The following ARID5B variants were observed in gnomAD, a reference collection of about 807,000 sequenced individuals.
The protein encoded by ARID5B is AT-rich interactive domain-containing protein 5B.
ARID5B carries 13 observed loss-of-function variants against 97.2 expected under a neutral mutation model. The ratio of observed to expected loss-of-function variants is 0.13; its 90% confidence interval spans 0.09 to 0.21. ARID5B has a LOEUF of 0.21. Among genes scored for constraint, ARID5B ranks in the 10% least tolerant of loss-of-function variants. The pLI is 1.00. For missense variants in ARID5B, 1,210 were observed against 1,465.3 expected (o/e 0.83, Z 2.84); for synonymous variants, 556 against 570.3 (o/e 0.97, Z 0.36).
chr10:62,057,114 C>T lies in ARID5B; in HGVS notation c.847-3C>T. The T allele has an allele frequency of 6.2e-7, 1 of 1,613,282 alleles. No homozygotes were observed. The highest frequency in any genetic ancestry group is 8.5e-7 in the Non-Finnish European group (1 of 1,179,568). On this transcript the variant is annotated splice_polypyrimidine_tract_variant and splice_region_variant and intron_variant, in intron 5 of 9. Transcript: ENST00000279873. ...CTGATGTGGTATATTTTCCCTTTTCCAGGTGAAATGTGAGGCCAGGTCAGC... is the reference window on the plus strand; with the variant it reads ...CTGATGTGGTATATTTTCCCTTTTCTAGGTGAAATGTGAGGCCAGGTCAGC...
At chr10:61,955,574 C>G (rs1282788397) in intron 3 of ARID5B, among the ~76,000 whole-genome samples, 1 of 152,210 alleles carries the variant, frequency 6.6e-6, no homozygotes, top group Non-Finnish European at 1.5e-5. Context: ...TACAGATAAT[C>G]TAGTTACAAG....
At chr10:62,078,809 A>T (rs1226426821) in intron 8 of ARID5B, among the ~76,000 whole-genome samples, 2 of 152,186 alleles carry the variant, frequency 1.3e-5, no homozygotes, top group Non-Finnish European at 2.9e-5. Flanking sequence ...TTTATTAGGG[A>T]GACCATGGGA....
intron 8 of ARID5B, among the ~76,000 whole-genome samples, chr10:62,079,011 C>T (rs533476034): frequency 6.6e-6 from 1 of 152,220 alleles, no homozygotes; most frequent in Admixed American, 6.5e-5. Context: ...AGGGCTTCTT[C>T]TGATGTAGGA....
At position 62,076,880 on chromosome 10, in the gene ARID5B, C is replaced by A. The variant is rs185951826; in HGVS notation, c.1199+7083C>A. Among the ~76,000 whole-genome samples the A allele has an allele frequency of 6.6e-5, 10 of 152,306 alleles. No homozygotes were observed. In the East Asian group the frequency reaches 1.5e-3, roughly 24 times the overall value. On this transcript the variant is annotated intron_variant, in intron 8 of 9. Transcript: ENST00000279873. ...AATGGACTTGCATTTCCTTTCCCAACACTGTCTTTCTCATGGCAGTCCTGA... is the reference window on the plus strand; with the variant it reads ...AATGGACTTGCATTTCCTTTCCCAAAACTGTCTTTCTCATGGCAGTCCTGA...
chr10:62,086,915 T>C (rs1410419674), intron 9 of ARID5B, among the ~76,000 whole-genome samples: 3 of 151,690 alleles, frequency 2.0e-5, no homozygotes, highest in Non-Finnish European at 4.4e-5. Flanking sequence ...TGGTGCTGTA[T>C]CCTGCAAGAC....
At chr10:62,082,611 A>G (rs978840738) in intron 8 of ARID5B, among the ~76,000 whole-genome samples, 3 of 152,336 alleles carry the variant, frequency 2.0e-5, no homozygotes, top group South Asian at 2.1e-4. Flanking sequence ...TTCTTTATAT[A>G]ATACAAACCT....
At chr10:62,021,485 G>C (rs775300022) in intron 4 of ARID5B, among the ~76,000 whole-genome samples, 4 of 152,134 alleles carry the variant, frequency 2.6e-5, no homozygotes, top group Non-Finnish European at 5.9e-5. Context: ...GAGGAAGTTG[G>C]CATAATTGAA....
chr10:61,901,777 C>T (rs773028388), intron 1 of ARID5B, 47 bp downstream of exon 1: 1 of 1,571,432 alleles, frequency 6.4e-7, no homozygotes, highest in Admixed American at 1.7e-5. Flanking sequence ...CCCCCGGCAC[C>T]CCCCAACCCC....
At chr10:62,008,061 A>AACACACAC (rs369982502) in intron 4 of ARID5B, among the ~76,000 whole-genome samples, 1,579 of 66,536 alleles carry the variant, frequency 0.024, 13 homozygotes, top group African/African-American at 0.027. Context: ...CCCGCCCCAC[A>AACACACAC]ACACACACAC....
intron 3 of ARID5B, among the ~76,000 whole-genome samples, chr10:61,988,936 CTT>C (rs61016394): frequency 1.6e-5 from 2 of 122,256 alleles, no homozygotes; most frequent in Non-Finnish European, 1.6e-5. Context: ...TTTTCTTTTA[CTT>C]TTTTTTTTTT....
intron 8 of ARID5B, among the ~76,000 whole-genome samples, chr10:62,080,398 A>T (rs1297298725): frequency 6.6e-6 from 1 of 152,162 alleles, no homozygotes; most frequent in Non-Finnish European, 1.5e-5. Context: ...GCTCATTTAC[A>T]TAGCACATTT....
Position 62,093,588 on chromosome 10 carries a change from T to C in ARID5B, c.*558T>C, listed in dbSNP as rs1368182620. Reference sequence around the variant, plus strand: ...TATATTTGCTTCTTAAAACTACCTGTATCACTGTTTGCTCACCTAATTTAT... The same window carrying C: ...TATATTTGCTTCTTAAAACTACCTGCATCACTGTTTGCTCACCTAATTTAT... On this transcript the variant is annotated 3_prime_UTR_variant, in exon 10 of 10. Transcript: ENST00000279873. The C allele has an allele frequency of 4.3e-6, 1 of 232,900 alleles. No homozygotes were observed. Among genetic ancestry groups the C allele is most frequent in the African/African-American group, 2.2e-5 (1 of 45,194 alleles). 14.4% of individuals were successfully genotyped at this position (232,900 alleles called of 1,614,324 possible).
chr10:61,981,191 G>T (rs1223757019), intron 3 of ARID5B, among the ~76,000 whole-genome samples: 2 of 152,164 alleles, frequency 1.3e-5, no homozygotes, highest in Admixed American at 6.5e-5. Context: ...CTTAGAGCTT[G>T]CCTGTCTGTA....
In ARID5B at chr10:62,092,006, T is replaced by G. The variant is rs770843451; in HGVS notation, c.2543T>G (p.Leu848Arg). The G allele has an allele frequency of 1.9e-6, 3 of 1,614,060 alleles. No individual in the cohort carries two copies. In the East Asian group the frequency reaches 6.7e-5, roughly 36 times the overall value. Residue 848 changes from leucine (L) to arginine (R), a missense_variant, in exon 10 of 10, where the codon CTT becomes CGT. Transcript: ENST00000279873. Reference sequence around the variant, plus strand: ...CTCTACAGACACACCGAGCACCATCTTCATAATGAACAGACATCCAAATAC... The same window carrying G: ...CTCTACAGACACACCGAGCACCATCGTCATAATGAACAGACATCCAAATAC... ...HSLYRHTEHH[L>R]HNEQTSKYPS...
chr10:61,972,225 C>CTTTTTTTTTTTTTTTTTTTT (rs71022106), intron 3 of ARID5B, among the ~76,000 whole-genome samples: 1 of 112,708 alleles, frequency 8.9e-6, no homozygotes, highest in Non-Finnish European at 1.7e-5. Flanking sequence ...TTATATCATG[C>CTTTTTTTTTTTTTTTTTTTT]TTTTTTTTTT....
At chr10:62,074,243 AT>A (rs1197522516) in intron 8 of ARID5B, among the ~76,000 whole-genome samples, 1 of 152,274 alleles carries the variant, frequency 6.6e-6, no homozygotes, top group Non-Finnish European at 1.5e-5. Flanking sequence ...TATTTAGAAA[AT>A]CAAAATCATA....
At chr10:62,067,409 A>T (rs2132951120) in intron 7 of ARID5B, among the ~76,000 whole-genome samples, 1 of 152,312 alleles carries the variant, frequency 6.6e-6, no homozygotes, top group African/African-American at 2.4e-5. Flanking sequence ...CTAGAGATAC[A>T]AGTGGTTAGG....
chr10:61,905,620 T>C (rs902345343), intron 2 of ARID5B, among the ~76,000 whole-genome samples: 1 of 152,144 alleles, frequency 6.6e-6, no homozygotes, highest in Non-Finnish European at 1.5e-5. Flanking sequence ...CAAGGTTATC[T>C]TTTCTCCCCA....
At chr10:62,042,591 C>T (rs1839652311) in intron 4 of ARID5B, among the ~76,000 whole-genome samples, 1 of 152,194 alleles carries the variant, frequency 6.6e-6, no homozygotes, top group African/African-American at 2.4e-5. Context: ...AAGATGTCCG[C>T]TCTGCCCTGA....
Sources: allele counts gnomAD v4.1 joint callset (sites outside exome capture counted in the v4.1 genomes callset), GRCh38; gene constraint gnomAD v4.1.1; transcripts MANE v1.5; gene names NCBI Gene and HGNC (gene_info 2026-07-23, HGNC 2026-07-21).